The following ACSF3 variants were observed in gnomAD, a reference collection of about 807,000 sequenced individuals.
The protein encoded by ACSF3 is malonate--CoA ligase ACSF3, mitochondrial.
ACSF3 carries 78 observed loss-of-function variants against 53.2 expected under a neutral mutation model. The ratio of observed to expected loss-of-function variants is 1.47; its 90% confidence interval spans 1.22 to 1.77. ACSF3 has a LOEUF of 1.77. ACSF3 is among the 40% of genes most tolerant of loss of function. ACSF3 has a pLI of 0.00. For synonymous variants in ACSF3, 414 were observed against 333.1 expected (o/e 1.24, Z -2.65); for missense variants, 937 against 771.1 (o/e 1.22, Z -2.55).
chr16:89,102,642 C>T lies in ACSF3; in HGVS notation c.705C>T (p.Asp235=), dbSNP rs766852572. 79 of 1,613,868 alleles carry T rather than the reference C, an allele frequency of 4.9e-5. No homozygotes were observed. The East Asian group carries it at 7.8e-4, about 16-fold the overall frequency. The change falls in exon 4 of 11, where the codon GAC becomes GAT. Residue 235 remains aspartate, a synonymous_variant. Coordinates refer to ENST00000614302, the MANE Select transcript of ACSF3 (RefSeq NM_001243279.3). ...GLVHKWAWTK[D]DVILHVLPLH... ...TCCACAAGTGGGCATGGACCAAAGA[C>T]GACGTGATCCTCCACGTGCTCCCGC...
intron 1 of ACSF3, among the ~76,000 whole-genome samples, chr16:89,097,195 G>GT (rs1974726812): frequency 6.6e-6 from 1 of 152,244 alleles, no homozygotes; most frequent in Admixed American, 6.5e-5. Flanking sequence ...TGGTTACCGT[G>GT]TGCACAGCAC....
intron 8 of ACSF3, among the ~76,000 whole-genome samples, chr16:89,143,710 C>T (rs556428510): frequency 2.0e-5 from 3 of 152,260 alleles, no homozygotes; most frequent in South Asian, 2.1e-4. Flanking sequence ...ACCCCAGGGG[C>T]GCAGTGAGAC....
chr16:89,114,929 A>T (rs766837083), intron 6 of ACSF3: 5 of 327,502 alleles, frequency 1.5e-5, no homozygotes, highest in Non-Finnish European at 3.0e-5. Context: ...GCAGGGTGGG[A>T]TGAGTCAAGC....
intron 5 of ACSF3, chr16:89,113,991 C>T (rs902438205): frequency 5.4e-6 from 2 of 369,510 alleles, no homozygotes; most frequent in South Asian, 4.2e-5. Context: ...GGCAGCTGCA[C>T]GGTCACTGCT....
At chr16:89,118,955 TCA>T (rs1463039903) in intron 6 of ACSF3, among the ~76,000 whole-genome samples, 5 of 152,140 alleles carry the variant, frequency 3.3e-5, no homozygotes, top group Non-Finnish European at 7.4e-5. Context: ...GTCCACACTG[TCA>T]CATGCCCGGG....
chr16:89,153,515 G>A (rs1357498037), intron 10 of ACSF3: 1 of 157,338 alleles, frequency 6.4e-6, no homozygotes, highest in Non-Finnish European at 1.4e-5. Flanking sequence ...GGGACCCTGA[G>A]TGGAGGTTTC....
intron 8 of ACSF3, among the ~76,000 whole-genome samples, chr16:89,135,831 G>A (rs1167388578): frequency 1.3e-5 from 2 of 152,278 alleles, no homozygotes; most frequent in Non-Finnish European, 2.9e-5. Context: ...CTGCAGTGCA[G>A]TGGCACGATC....
At chr16:89,126,419 C>T (rs1908120340) in intron 7 of ACSF3, among the ~76,000 whole-genome samples, 1 of 152,170 alleles carries the variant, frequency 6.6e-6, no homozygotes, top group Admixed American at 6.5e-5. Flanking sequence ...CAGATGTGTG[C>T]CACCACACCT....
At chr16:89,099,785 T>C (rs2068073417) in intron 2 of ACSF3, among the ~76,000 whole-genome samples, 1 of 145,654 alleles carries the variant, frequency 6.9e-6, no homozygotes, top group Admixed American at 6.9e-5. Context: ...GCATCTTAGA[T>C]AGATAGATAG....
rs558773398 is a variant in ACSF3 at position 89,131,127 on chromosome 16, C to CTTTTTTTTTTTTTTTTTTTTTTTTT, written c.1240-1985_1240-1984insTTTTTTTTTTTTTTTTTTTTTTTTT. Reference sequence around the variant, plus strand: ...TTTCTTTCTTTTTCTTTTTCTTTTTCTTTTTTTTTTTTTTTTTTTTTTTTG... The same window carrying CTTTTTTTTTTTTTTTTTTTTTTTTT: ...TTTCTTTCTTTTTCTTTTTCTTTTTCTTTTTTTTTTTTTTTTTTTTTTTTTTTTTTTTTTTTTTTTTTTTTTTTTG... On this transcript the variant is annotated intron_variant, in intron 7 of 10. Coordinates refer to ENST00000614302, the MANE Select transcript of ACSF3 (RefSeq NM_001243279.3). Among the ~76,000 whole-genome samples the CTTTTTTTTTTTTTTTTTTTTTTTTT allele has an allele frequency of 2.7e-4, 19 of 69,550 alleles. 1 individual carries two copies. Among genetic ancestry groups the CTTTTTTTTTTTTTTTTTTTTTTTTT allele is most frequent in the East Asian group, 1.1e-3 (2 of 1,836 alleles). 45.6% of individuals were successfully genotyped at this position (69,550 alleles called of 152,430 possible). A position where few individuals can be genotyped will look rare whatever the true frequency, so the allele number is the denominator to read the frequency against.
chr16:89,155,455 A>G lies in ACSF3; in HGVS notation c.*1248A>G. 2.2e-6 allele frequency: 1 copy of G among 454,084 alleles called. No homozygotes were observed. Among genetic ancestry groups the G allele is most frequent in the Non-Finnish European group, 4.4e-6 (1 of 226,774 alleles). The allele number at this position is 454,084 out of a possible 1,614,324, so 28.1% of individuals were successfully genotyped here. Reference sequence around the variant, plus strand: ...GCTCACTTGAGCATGTCGCCCACCAAGCTTGTCTGAGGCCACAGAGCAGCG... The same window carrying G: ...GCTCACTTGAGCATGTCGCCCACCAGGCTTGTCTGAGGCCACAGAGCAGCG... On this transcript the variant is annotated 3_prime_UTR_variant, in exon 11 of 11. Coordinates refer to ENST00000614302, the MANE Select transcript of ACSF3 (RefSeq NM_001243279.3).
chr16:89,111,991 T>C, intron 4 of ACSF3, 101 bp from the exon 5 acceptor site: 1 of 559,096 alleles, frequency 1.8e-6, no homozygotes, highest in East Asian at 8.7e-5. Flanking sequence ...TGCAGACTCT[T>C]GAATGTGAAC....
rs1281854190 is a variant in ACSF3, at chr16:89,155,407, GTTGGAC to G, written c.*1201_*1206del. 1 of 453,900 alleles carries G rather than the reference GTTGGAC, an allele frequency of 2.2e-6. No individual in the cohort carries two copies. The highest frequency in any genetic ancestry group is 2.3e-5 in the Admixed American group (1 of 42,578). The allele number at this position is 453,900 out of a possible 1,614,324, so 28.1% of individuals were successfully genotyped here. On this transcript the variant is annotated 3_prime_UTR_variant, in exon 11 of 11. Coordinates refer to ENST00000614302, the MANE Select transcript of ACSF3 (RefSeq NM_001243279.3). ...CTCAGGCTCACATGCCTCGCGGACA[GTTGGAC>G]GTGGCCTGGGGCCCCTGCTCACTTG...
At chr16:89,140,949 G>A (rs961280395) in intron 8 of ACSF3, 1 of 675,118 alleles carries the variant, frequency 1.5e-6, no homozygotes, top group African/African-American at 1.9e-5. Flanking sequence ...AACACATCAG[G>A]CCGAGGACAT....
At chr16:89,121,050 G>T in intron 7 of ACSF3, 137 bp downstream of exon 7, 1 of 754,906 alleles carries the variant, frequency 1.3e-6, no homozygotes, top group Non-Finnish European at 2.2e-6. Flanking sequence ...CACTGCAGGT[G>T]CTGGCTGGTG....
At chr16:89,145,775 C>T (rs561823700) in intron 9 of ACSF3, among the ~76,000 whole-genome samples, 163 bp from the exon 10 acceptor site, 28 of 152,350 alleles carry the variant, frequency 1.8e-4, no homozygotes, top group African/African-American at 6.5e-4. Context: ...CCCCTCCCCA[C>T]AGGCCCAGCC....
chr16:89,127,194 C>G (rs1052258953), intron 7 of ACSF3, among the ~76,000 whole-genome samples: 1 of 152,032 alleles, frequency 6.6e-6, no homozygotes, highest in East Asian at 1.9e-4. Flanking sequence ...TTTGTACTTT[C>G]TTTGGGTTGT....
chr16:89,105,818 G>T (rs1212935556), intron 4 of ACSF3, among the ~76,000 whole-genome samples: 1 of 152,142 alleles, frequency 6.6e-6, no homozygotes, highest in African/African-American at 2.4e-5. Context: ...GGGCAGGTTG[G>T]TTCCATCGTC....
chr16:89,146,471 G>A (rs563700204), intron 10 of ACSF3, among the ~76,000 whole-genome samples: 64 of 152,244 alleles, frequency 4.2e-4, no homozygotes, highest in Non-Finnish European at 5.0e-4. Context: ...TCCACCTGCC[G>A]CCCCAAAGCC....
Sources: allele counts gnomAD v4.1 joint callset (sites outside exome capture counted in the v4.1 genomes callset), GRCh38; gene constraint gnomAD v4.1.1; transcripts MANE v1.5; gene names NCBI Gene and HGNC (gene_info 2026-07-23, HGNC 2026-07-21).